PUDP: variants seen among roughly 807,000 people sequenced by gnomAD.
PUDP encodes the protein pseudouridine-5'-phosphatase.
PUDP carries 8 observed loss-of-function variants against 9.4 expected under a neutral mutation model. The observed-to-expected ratio is 0.85, with a 90% confidence interval of 0.50 to 1.53. The LOEUF (loss-of-function observed/expected upper bound fraction) is 1.53. Among genes scored for constraint, PUDP ranks in the 40% most tolerant of loss-of-function variants. The pLI, the probability that PUDP is intolerant of heterozygous loss-of-function variation, is 0.00. For synonymous variants in PUDP, 99 were observed against 80.7 expected (o/e 1.23, Z -1.22); for missense variants, 188 against 189.7 (o/e 0.99, Z 0.05).
chrX:6,737,078 T>TCTGTGTG (rs1373934389), intron 3 of PUDP, among the ~76,000 whole-genome samples: 1 of 110,432 alleles, frequency 9.1e-6, no homozygotes. Flanking sequence ...AGAAAAAAGA[T>TCTGTGTG]CTGTGTGCTG....
rs754082694 is a variant in PUDP, at chrX:6,925,429, C to T, written c.*247+51704G>A. Among the ~76,000 whole-genome samples the T allele has an allele frequency of 7.1e-5, 8 of 112,092 alleles. No homozygotes were observed. The South Asian group carries it at 3.0e-3, about 42-fold the overall frequency. On this transcript the variant is annotated intron_variant and NMD_transcript_variant, in intron 3 of 3. Coordinates refer to the PUDP transcript ENST00000655425. ...ATGCTGAGAACTGTATCTGCAGTGA[C>T]AGGGTTTGGTTTTTGAGCAAAAGGA...
intron 3 of PUDP, among the ~76,000 whole-genome samples, chrX:6,901,969 G>A (rs1927695305): frequency 9.0e-6 from 1 of 110,687 alleles, no homozygotes. Flanking sequence ...AAACTCCCAG[G>A]CACAAGCGAT....
chrX:7,027,897 T>C (rs1443747146), intron 1 of PUDP, among the ~76,000 whole-genome samples: 3 of 101,058 alleles, frequency 3.0e-5, no homozygotes. Context: ...ATATATAGAC[T>C]ATATATAGAC....
chrX:7,056,277 G>C (rs1030086225), intron 3 of PUDP, among the ~76,000 whole-genome samples: 11 of 112,046 alleles, frequency 9.8e-5, no homozygotes, highest in African/African-American at 3.2e-4. Context: ...AGGGAAGGTG[G>C]AAGTGCCCAC....
At chrX:6,966,452 C>T (rs4830734) in intron 3 of PUDP, among the ~76,000 whole-genome samples, 39,545 of 110,113 alleles carry the variant, frequency 0.36, 5,315 homozygotes, top group Non-Finnish European at 0.41. Context: ...CTTAATCATT[C>T]CACCAACACT....
chrX:7,143,529 C>G (rs1326957215), intron 1 of PUDP, among the ~76,000 whole-genome samples: 1 of 111,917 alleles, frequency 8.9e-6, no homozygotes, highest in Non-Finnish European at 1.9e-5. Context: ...AGTTTTACCC[C>G]CTTCTCAATT....
chrX:7,145,900 T>C (rs770516082), intron 1 of PUDP, among the ~76,000 whole-genome samples: 11 of 112,325 alleles, frequency 9.8e-5, no homozygotes, highest in Admixed American at 1.9e-4. Context: ...TATAAATTGA[T>C]AGTATATTGT....
chrX:7,129,093 C>T (rs1457709162), intron 1 of PUDP, among the ~76,000 whole-genome samples: 1 of 111,628 alleles, frequency 9.0e-6, no homozygotes, highest in African/African-American at 3.3e-5. Context: ...CCTTAGCCTT[C>T]GGGCAACCAT....
intron 3 of PUDP, among the ~76,000 whole-genome samples, chrX:7,053,599 T>C (rs1930160736): frequency 8.9e-6 from 1 of 112,161 alleles, no homozygotes; most frequent in African/African-American, 3.2e-5. Context: ...CCTTTCACCT[T>C]CTGCCATGAT....
chrX:6,979,094 A>G (rs1270023401), intron 1 of PUDP, among the ~76,000 whole-genome samples: 1 of 112,383 alleles, frequency 8.9e-6, no homozygotes, highest in East Asian at 2.8e-4. Flanking sequence ...ATATAATGCT[A>G]TAACACAATG....
chrX:6,832,824 T>G (rs1463822952), intron 3 of PUDP, among the ~76,000 whole-genome samples: 2 of 111,986 alleles, frequency 1.8e-5, no homozygotes, highest in African/African-American at 6.5e-5. Context: ...ATTGTACTAC[T>G]CAGCTGCTGC....
chrX:7,142,273 A>G (rs1418543051), intron 1 of PUDP, among the ~76,000 whole-genome samples: 1 of 112,634 alleles, frequency 8.9e-6, no homozygotes, highest in South Asian at 3.6e-4. Flanking sequence ...TTCATGATCC[A>G]TGGGAAAAGA....
intron 3 of PUDP, among the ~76,000 whole-genome samples, chrX:6,970,981 G>A (rs758797341): frequency 9.0e-6 from 1 of 110,956 alleles, no homozygotes; most frequent in African/African-American, 3.3e-5. Context: ...AACCTGGGAG[G>A]TGGAGGTTGC....
chrX:7,092,998 A>G (rs1380020353), intron 2 of PUDP, among the ~76,000 whole-genome samples: 1 of 112,618 alleles, frequency 8.9e-6, no homozygotes, highest in Non-Finnish European at 1.9e-5. Flanking sequence ...TATGTGGTAA[A>G]ACACCTACAA....
chrX:6,823,432 A>T (rs987527315), intron 3 of PUDP, among the ~76,000 whole-genome samples: 8 of 111,649 alleles, frequency 7.2e-5, no homozygotes, highest in African/African-American at 2.0e-4. Context: ...TTTAAGTCTG[A>T]AAAGAAATAT....
chrX:6,909,250 A>G (rs1259967079), intron 3 of PUDP, among the ~76,000 whole-genome samples: 1 of 111,868 alleles, frequency 8.9e-6, no homozygotes, highest in Non-Finnish European at 1.9e-5. Context: ...AGCTTGTAAT[A>G]TGGTATTAAA....
intron 3 of PUDP, among the ~76,000 whole-genome samples, chrX:6,878,729 T>C (rs922779975): frequency 1.8e-5 from 2 of 109,230 alleles, no homozygotes; most frequent in South Asian, 8.4e-4. Context: ...TTAGTTAAGA[T>C]TTCATAAGAT....
chrX:6,863,482 C>T (rs1342443979), intron 3 of PUDP, among the ~76,000 whole-genome samples: 2 of 112,204 alleles, frequency 1.8e-5, no homozygotes, highest in African/African-American at 6.5e-5. Context: ...TTATGCCTCA[C>T]AGGTTCTGTA....
chrX:7,099,119 A>AG (rs1256850995), intron 2 of PUDP, among the ~76,000 whole-genome samples: 1 of 112,647 alleles, frequency 8.9e-6, no homozygotes, highest in Non-Finnish European at 1.9e-5. Flanking sequence ...ACACAATAAA[A>AG]GGCACCAACT....
Sources: gnomAD v4.1 joint callset for allele counts (sites outside exome capture counted in the v4.1 genomes callset) on GRCh38, gnomAD v4.1.1 for gene constraint, MANE v1.5 for transcripts, NCBI Gene and HGNC (gene_info 2026-07-23, HGNC 2026-07-21) for gene names.